BCL2: variants seen among roughly 807,000 people sequenced by gnomAD.
BCL2 encodes apoptosis regulator Bcl-2.
Under a neutral mutation model 14.2 loss-of-function variants are expected in BCL2, and 1 was observed. The ratio of observed to expected loss-of-function variants is 0.07; its 90% CI spans 0.02 to 0.33. BCL2 has a LOEUF of 0.33. Ranked by LOEUF, BCL2 falls within the 10% of genes least tolerant of loss-of-function variation. The pLI is 0.99. For synonymous variants in BCL2, 151 were observed against 137.2 expected, an observed-to-expected ratio of 1.10 and a Z score of -0.70; for missense variants, 247 against 305.9, an observed-to-expected ratio of 0.81 and a Z score of 1.44.
intron 2 of BCL2, among the ~76,000 whole-genome samples, chr18:63,312,378 G>T (rs1327348855): frequency 1.3e-5 from 2 of 152,200 alleles, no homozygotes; most frequent in African/African-American, 2.4e-5. Context: ...GGACAGATGG[G>T]TGTATCTTTT....
chr18:63,205,321 C>A (rs1425214769), intron 2 of BCL2, among the ~76,000 whole-genome samples: 1 of 152,218 alleles, frequency 6.6e-6, no homozygotes, highest in Non-Finnish European at 1.5e-5. Context: ...AAAGCAGGGA[C>A]CATATCTCAT....
rs1599196419 is a variant in BCL2 at position 63,128,687 on chromosome 18, G to A, written c.658C>T (p.Leu220=). The change falls in exon 3 of 3, where the codon CTG becomes TTG. Residue 220 remains leucine, a synonymous_variant. Transcript: ENST00000333681. ...GCTCCCACCAGGGCCAAACTGAGCA[G>A]AGTCTTCAGAGACAGCCAGGAGAAA... is the stretch of plus-strand genomic sequence containing the variant. ...FDFSWLSLKT[L]LSLALVGACI... 1.3e-6 allele frequency: 1 copy of A among 781,122 alleles called. No homozygotes were observed. Among genetic ancestry groups the A allele is most frequent in the Non-Finnish European group, 2.4e-6 (1 of 418,136 alleles). The allele number at this position is 781,122 out of a possible 1,614,324, so 48.4% of individuals were successfully genotyped here.
chr18:63,144,384 G>A (rs530898224), intron 2 of BCL2, among the ~76,000 whole-genome samples: 195 of 152,260 alleles, frequency 1.3e-3, no homozygotes, highest in African/African-American at 3.8e-3. Flanking sequence ...ACTGCCATCA[G>A]AAAGGTCACA....
chr18:63,263,122 C>G (rs1211193559), intron 2 of BCL2, among the ~76,000 whole-genome samples: 1 of 152,158 alleles, frequency 6.6e-6, no homozygotes, highest in Non-Finnish European at 1.5e-5. Context: ...GCCTAGGGGG[C>G]AGCGAGGGTG....
intron 2 of BCL2, among the ~76,000 whole-genome samples, chr18:63,304,640 C>T (rs1434911360): frequency 6.6e-6 from 1 of 152,030 alleles, no homozygotes; most frequent in Non-Finnish European, 1.5e-5. Context: ...ACAGGTTTGT[C>T]ACATAGGTAA....
intron 2 of BCL2, among the ~76,000 whole-genome samples, chr18:63,138,188 G>A (rs1285550948): frequency 6.6e-6 from 1 of 152,256 alleles, no homozygotes; most frequent in African/African-American, 2.4e-5. Flanking sequence ...AGAGCAAGAG[G>A]GGGAGCAAGC....
Position 63,318,075 on chromosome 18 carries a change from C to A in BCL2, c.585+7G>T. The A allele has an allele frequency of 1.2e-6, 2 of 1,613,676 alleles. No homozygotes were observed. The highest frequency in any genetic ancestry group is 2.2e-5 in the South Asian group (2 of 91,002). ...CAGCCCAGACTCACATCACCAAGTG[C>A]ACCTACCCAGCCTCCGTTATCCTGG... On this transcript the variant is annotated splice_region_variant and intron_variant, in intron 2 of 2. Coordinates refer to ENST00000333681, the MANE Select transcript of BCL2 (RefSeq NM_000633.3). The surrounding 1 kb of genome is among the most constrained non-coding windows in gnomAD (Gnocchi z 7.4).
chr18:63,285,313 G>A lies in BCL2; in HGVS notation c.585+32769C>T, dbSNP rs368645837. Among the ~76,000 whole-genome samples the A allele has an allele frequency of 7.2e-5, 11 of 152,302 alleles. 1 individual carries two copies. In the South Asian group the frequency reaches 1.7e-3, roughly 23 times the overall value. ...ATTGCCCTGGAGATGGGATGGGTGG[G>A]AAGAAAAATGTCAGTAGGGGCTCTG... On this transcript the variant is annotated intron_variant, in intron 2 of 2. Transcript: ENST00000333681.
chr18:63,227,356 G>A (rs1299604379), intron 2 of BCL2, among the ~76,000 whole-genome samples: 1 of 152,164 alleles, frequency 6.6e-6, no homozygotes, highest in Non-Finnish European at 1.5e-5. Flanking sequence ...GACTACAGGT[G>A]CATGCCATGC....
intron 2 of BCL2, among the ~76,000 whole-genome samples, chr18:63,160,659 C>T (rs2144618394): frequency 6.6e-6 from 1 of 152,212 alleles, no homozygotes; most frequent in South Asian, 2.1e-4. Context: ...CAGGGTAGCA[C>T]ATTCAGGATG....
intron 2 of BCL2, among the ~76,000 whole-genome samples, chr18:63,273,321 C>A (rs1169047834): frequency 6.6e-6 from 1 of 152,186 alleles, no homozygotes; most frequent in African/African-American, 2.4e-5. Context: ...GAAGAACTCC[C>A]AAGGCCGTTC....
In BCL2 at chr18:63,287,501, C is replaced by T. The variant is rs114569224; in HGVS notation, c.585+30581G>A. 8.3e-3 allele frequency among the ~76,000 whole-genome samples: 1,267 copies of T among 152,056 alleles called. 19 individuals carry two copies. The highest frequency in any genetic ancestry group is 0.029 in the African/African-American group (1,196 of 41,468). On this transcript the variant is annotated intron_variant, in intron 2 of 2. Transcript: ENST00000333681. Reference sequence around the variant, plus strand: ...GCCAGGGCTAAGGGTTAGGGGGTGGCGGGCAGTTTGAGTACAAACTCTCAT... The same window carrying T: ...GCCAGGGCTAAGGGTTAGGGGGTGGTGGGCAGTTTGAGTACAAACTCTCAT...
chr18:63,194,936 T>A (rs1189829738), intron 2 of BCL2, among the ~76,000 whole-genome samples: 1 of 152,166 alleles, frequency 6.6e-6, no homozygotes, highest in African/African-American at 2.4e-5. Flanking sequence ...CAAGGTCACC[T>A]CTATAGAAGA....
chr18:63,157,231 C>T (rs970343957), intron 2 of BCL2, among the ~76,000 whole-genome samples: 1 of 152,126 alleles, frequency 6.6e-6, no homozygotes, highest in Non-Finnish European at 1.5e-5. Flanking sequence ...ACACTGAGTC[C>T]CGGAGAGGTG....
chr18:63,270,765 T>C (rs1170850125), intron 2 of BCL2, among the ~76,000 whole-genome samples: 2 of 152,220 alleles, frequency 1.3e-5, no homozygotes, highest in African/African-American at 4.8e-5. Context: ...TAATAAATTG[T>C]TCACTGATAA....
intron 2 of BCL2, among the ~76,000 whole-genome samples, chr18:63,146,859 T>C (rs1284884112): frequency 6.6e-6 from 1 of 152,194 alleles, no homozygotes; most frequent in Non-Finnish European, 1.5e-5. Context: ...TTCAAACAGG[T>C]ATGTTTTACT....
At chr18:63,284,354 G>A (rs937837056) in intron 2 of BCL2, among the ~76,000 whole-genome samples, 45 of 152,196 alleles carry the variant, frequency 3.0e-4, no homozygotes, top group African/African-American at 1.0e-3. Flanking sequence ...GGGTGCAGTG[G>A]TTGAGGAGAA....
intron 2 of BCL2, among the ~76,000 whole-genome samples, chr18:63,169,551 C>G (rs1047892939): frequency 1.5e-5 from 2 of 130,844 alleles, no homozygotes; most frequent in Non-Finnish European, 3.1e-5. Flanking sequence ...TCAATGGAGT[C>G]TCGCTCTGTC....
intron 2 of BCL2, among the ~76,000 whole-genome samples, chr18:63,200,811 T>A (rs558312740): frequency 5.2e-4 from 79 of 152,044 alleles, no homozygotes; most frequent in African/African-American, 1.9e-3. Context: ...TTTATAGAGA[T>A]GGGGTCTCGC....
Sources: gnomAD v4.1 joint callset for allele counts (sites outside exome capture counted in the v4.1 genomes callset) on GRCh38, gnomAD v4.1.1 for gene constraint, Gnocchi (gnomAD v3.1) non-coding constraint, MANE v1.5 for transcripts, NCBI Gene and HGNC (gene_info 2026-07-23, HGNC 2026-07-21) for gene names.